The following ADCY9 variants were observed in gnomAD, a reference collection of about 807,000 sequenced individuals.
The protein encoded by ADCY9 is adenylate cyclase 9.
In ADCY9, 50 loss-of-function variants were observed where a neutral mutation model predicts 101.5. That is an observed-to-expected ratio of 0.49 (90% confidence interval 0.39 to 0.62). The LOEUF (loss-of-function observed/expected upper bound fraction) is 0.62, where lower values mean the gene tolerates loss of function less well. Among genes scored for constraint, ADCY9 ranks in the 20% least tolerant of loss-of-function variants. ADCY9 has a pLI of 0.00. For missense variants in ADCY9, 1,662 were observed against 1,800.4 expected, an observed-to-expected ratio of 0.92 and a Z score of 1.39; for synonymous variants, 905 against 769.3, an observed-to-expected ratio of 1.18 and a Z score of -2.92.
chr16:3,991,315 G>C (rs1221745159), intron 5 of ADCY9, among the ~76,000 whole-genome samples: 1 of 152,140 alleles, frequency 6.6e-6, no homozygotes, highest in African/African-American at 2.4e-5. Context: ...CACTAATGAG[G>C]AACAGACGGG....
At chr16:4,011,607 C>T (rs565754155) in intron 2 of ADCY9, among the ~76,000 whole-genome samples, 4 of 152,310 alleles carry the variant, frequency 2.6e-5, no homozygotes, top group South Asian at 4.1e-4. Flanking sequence ...GAGGGGGCCT[C>T]GGAGTCGGGT....
chr16:4,059,840 G>A (rs888686081), intron 2 of ADCY9, among the ~76,000 whole-genome samples: 3 of 152,236 alleles, frequency 2.0e-5, no homozygotes, highest in African/African-American at 7.2e-5. Context: ...TGAGGTTACA[G>A]TGAACTATGA....
At chr16:4,074,255 C>T (rs1274447941) in intron 2 of ADCY9, among the ~76,000 whole-genome samples, 1 of 151,840 alleles carries the variant, frequency 6.6e-6, no homozygotes, top group Non-Finnish European at 1.5e-5. Flanking sequence ...ATGAAGAATT[C>T]TTACGAGGTT....
chr16:4,066,878 A>T (rs1233989783), intron 2 of ADCY9, among the ~76,000 whole-genome samples: 2 of 152,214 alleles, frequency 1.3e-5, no homozygotes, highest in African/African-American at 4.8e-5. Flanking sequence ...GTTCATCCCA[A>T]CGTTTTCATT....
intron 2 of ADCY9, among the ~76,000 whole-genome samples, chr16:4,036,767 A>G (rs2056593252): frequency 6.6e-6 from 1 of 151,810 alleles, no homozygotes; most frequent in Admixed American, 6.6e-5. Context: ...CAGCCACAAT[A>G]CATTTTTTGT....
chr16:4,114,582 G>T lies in ADCY9; in HGVS notation c.861C>A (p.Leu287=), dbSNP rs772479256. The change falls in exon 2 of 11, where the codon CTC becomes CTA. Residue 287 remains leucine (L), a synonymous_variant. Coordinates refer to ENST00000294016, the MANE Select transcript of ADCY9 (RefSeq NM_001116.4). The surrounding 1 kb of genome is among the most constrained non-coding windows in gnomAD (Gnocchi z 4.3). The part of the protein sequence containing the change: ...LHWELLSRGL[L]HGCIHAIGVH... ...CCCCGATGGCGTGGATGCAGCCGTG[G>T]AGCAGCCCCCTGCTCAGCAGCTCCC... 6.2e-6 allele frequency: 10 copies of T among 1,613,972 alleles called. No individual in the cohort carries two copies. The Admixed American group carries it at 1.7e-4, about 27-fold the overall frequency.
intron 5 of ADCY9, among the ~76,000 whole-genome samples, chr16:3,955,387 CCTTAT>C (rs1951974509): frequency 6.6e-6 from 1 of 152,134 alleles, no homozygotes; most frequent in Non-Finnish European, 1.5e-5. Flanking sequence ...AACAGTTGCA[CCTTAT>C]CTTCTTAGCT....
intron 7 of ADCY9, among the ~76,000 whole-genome samples, chr16:3,980,590 A>G (rs879922628): frequency 7.2e-5 from 11 of 152,114 alleles, no homozygotes; most frequent in South Asian, 4.1e-4. Flanking sequence ...AACACCTACC[A>G]TGCCTCTCCC....
chr16:4,071,418 A>T (rs578153090), intron 2 of ADCY9, among the ~76,000 whole-genome samples: 16 of 151,824 alleles, frequency 1.1e-4, no homozygotes, highest in Non-Finnish European at 2.1e-4. Flanking sequence ...TAAAAAGTCA[A>T]ATCCAAAATT....
chr16:4,023,203 C>T (rs949278670), intron 2 of ADCY9, among the ~76,000 whole-genome samples: 1 of 152,214 alleles, frequency 6.6e-6, no homozygotes, highest in Admixed American at 6.5e-5. Context: ...CTGCAGGCCA[C>T]GCTAGACGCT....
intron 2 of ADCY9, among the ~76,000 whole-genome samples, chr16:4,010,336 C>T (rs921723073): frequency 6.6e-6 from 1 of 152,190 alleles, no homozygotes; most frequent in African/African-American, 2.4e-5. Flanking sequence ...AGCAGGGAGG[C>T]CTGAAGAGCT....
chr16:4,056,278 C>T (rs528624625), intron 2 of ADCY9, among the ~76,000 whole-genome samples: 2 of 152,214 alleles, frequency 1.3e-5, no homozygotes, highest in East Asian at 3.9e-4. Flanking sequence ...GTTTTTGAGA[C>T]GAGTCTCACT....
At position 3,955,285 on chromosome 16, in the gene ADCY9, G is replaced by T. The variant is rs563083778; in HGVS notation, c.568-1769C>A. ...CACGCCTGTCATCCCAGCACTTTGGGAGGTGGAGGAGAGAGGACCACCTGA... is the reference window on the plus strand; with the variant it reads ...CACGCCTGTCATCCCAGCACTTTGGTAGGTGGAGGAGAGAGGACCACCTGA... On this transcript the variant is annotated intron_variant, in intron 5 of 5. Coordinates refer to the ADCY9 transcript ENST00000576936. Among the ~76,000 whole-genome samples, 3 of 151,790 alleles carry T rather than the reference G, an allele frequency of 2.0e-5. No individual in the cohort carries two copies. The South Asian group carries it at 6.2e-4, about 32-fold the overall frequency.
intron 2 of ADCY9, among the ~76,000 whole-genome samples, chr16:4,077,329 G>C (rs776612413): frequency 2.0e-5 from 3 of 152,186 alleles, no homozygotes; most frequent in Non-Finnish European, 4.4e-5. Context: ...CGAGGCCCAG[G>C]AGGGTTTTCA....
intron 5 of ADCY9, among the ~76,000 whole-genome samples, chr16:3,991,222 T>C (rs2056241116): frequency 6.6e-6 from 1 of 152,192 alleles, no homozygotes; most frequent in East Asian, 1.9e-4. Flanking sequence ...TTCTCACAGA[T>C]TGCTTATTAG....
At chr16:3,962,466 T>TA (rs923235871), downstream of ADCY9, among the ~76,000 whole-genome samples, 4 of 151,996 alleles carry the variant, frequency 2.6e-5, no homozygotes, top group Non-Finnish European at 5.9e-5. Context: ...TAGATCCAAT[T>TA]AAAAAAATAA....
rs763663876 is a variant in ADCY9 at position 3,992,397 on chromosome 16, A to T, written c.1990-34T>A. ...AGACAAAGAGGACGCAGACACGGGA[A>T]GTGAAGTGGCACCGGGCACTGGGCA... On this transcript the variant is annotated intron_variant, in intron 4 of 10. Transcript: ENST00000294016. The surrounding 1 kb of genome is among the most constrained non-coding windows in gnomAD (Gnocchi z 4.2). 1 of 1,599,384 alleles carries T rather than the reference A, an allele frequency of 6.3e-7. No homozygotes were observed. Among genetic ancestry groups the T allele is most frequent in the Non-Finnish European group, 8.6e-7 (1 of 1,168,906 alleles).
intron 2 of ADCY9, among the ~76,000 whole-genome samples, chr16:4,083,931 G>A (rs550491358): frequency 6.6e-6 from 1 of 152,300 alleles, no homozygotes; most frequent in African/African-American, 2.4e-5. Flanking sequence ...CTGTAGTGAT[G>A]GATGTCAAAG....
intron 5 of ADCY9, among the ~76,000 whole-genome samples, chr16:3,954,857 T>G (rs1039055046): frequency 6.6e-6 from 1 of 152,196 alleles, no homozygotes; most frequent in South Asian, 2.1e-4. Context: ...CCAACTCTTT[T>G]GGAGTTTTGT....
Sources: allele counts gnomAD v4.1 joint callset (sites outside exome capture counted in the v4.1 genomes callset), GRCh38; gene constraint gnomAD v4.1.1; non-coding constraint Gnocchi (gnomAD v3.1); transcripts MANE v1.5; gene names NCBI Gene and HGNC (gene_info 2026-07-23, HGNC 2026-07-21).